PARD3: variants seen among roughly 807,000 people sequenced by gnomAD.
PARD3 encodes the protein par-3 family cell polarity regulator.
Under a neutral mutation model 155.4 loss-of-function variants are expected in PARD3, and 75 were observed. That is an observed-to-expected ratio of 0.48 (90% confidence interval 0.40 to 0.58). PARD3 has a LOEUF of 0.58. Among genes scored for constraint, PARD3 ranks in the 20% least tolerant of loss-of-function variants. The pLI, the probability that PARD3 is intolerant of heterozygous loss-of-function variation, is 0.00. For missense variants in PARD3, 1,642 were observed against 1,721.7 expected (o/e 0.95, Z 0.82); for synonymous variants, 576 against 610.5 (o/e 0.94, Z 0.83).
chr10:34,373,627 A>T (rs1840923453), intron 11 of PARD3, among the ~76,000 whole-genome samples: 1 of 152,026 alleles, frequency 6.6e-6, no homozygotes, highest in African/African-American at 2.4e-5. Context: ...GTGGGGGGAA[A>T]ACGAAAAACT....
At chr10:34,538,121 G>T (rs564618246) in intron 2 of PARD3, among the ~76,000 whole-genome samples, 22 of 152,286 alleles carry the variant, frequency 1.4e-4, no homozygotes, top group African/African-American at 5.3e-4. Context: ...CTCCAGCCTG[G>T]GTGACAAGAG....
intron 5 of PARD3, among the ~76,000 whole-genome samples, chr10:34,446,421 G>A (rs936889775): frequency 6.6e-6 from 1 of 151,852 alleles, no homozygotes; most frequent in South Asian, 2.1e-4. Flanking sequence ...CACTTGACAC[G>A]GCAACCCCTG....
intron 3 of PARD3, among the ~76,000 whole-genome samples, chr10:34,498,306 T>C (rs1369549761): frequency 1.3e-5 from 2 of 152,208 alleles, no homozygotes; most frequent in Non-Finnish European, 2.9e-5. Flanking sequence ...TATGTAGGTA[T>C]TCATTTCAAA....
chr10:34,461,804 C>T (rs1000369848), intron 4 of PARD3, among the ~76,000 whole-genome samples: 8 of 152,126 alleles, frequency 5.3e-5, no homozygotes, highest in Non-Finnish European at 8.8e-5. Context: ...TAAGGGCACA[C>T]AAGAAGGCTT....
At chr10:34,370,807 G>GTGTGT (rs1840509427) in intron 12 of PARD3, among the ~76,000 whole-genome samples, 1 of 145,568 alleles carries the variant, frequency 6.9e-6, no homozygotes, top group African/African-American at 2.5e-5. Flanking sequence ...ATACAAATGG[G>GTGTGT]GTGTGTGTGT....
intron 22 of PARD3, among the ~76,000 whole-genome samples, chr10:34,230,400 T>C (rs1214070402): frequency 6.6e-6 from 1 of 152,084 alleles, no homozygotes; most frequent in Non-Finnish European, 1.5e-5. Flanking sequence ...AAACTCACAC[T>C]GGTAAAGTTA....
At chr10:34,663,464 A>C (rs2093376949) in intron 2 of PARD3, among the ~76,000 whole-genome samples, 1 of 152,082 alleles carries the variant, frequency 6.6e-6, no homozygotes, top group Admixed American at 6.6e-5. Flanking sequence ...TTGTAACACG[A>C]AGGATAAATG....
Position 34,666,814 on chromosome 10 carries a change from T to TACAC in PARD3, c.222+29503_222+29504insGTGT, listed in dbSNP as rs1200796084. Reference sequence around the variant, plus strand: ...AAAAAAAAATATATATATATATATATATACACACACACACACACACACAAA... The same window carrying TACAC: ...AAAAAAAAATATATATATATATATATACACATACACACACACACACACACACAAA... On this transcript the variant is annotated intron_variant, in intron 2 of 24. Transcript: ENST00000374788. Among the ~76,000 whole-genome samples the TACAC allele has an allele frequency of 2.7e-3, 250 of 92,100 alleles. 2 individuals are homozygous for TACAC. The highest frequency in any genetic ancestry group is 0.011 in the African/African-American group (217 of 20,592). 60.4% of individuals were successfully genotyped at this position (92,100 alleles called of 152,430 possible). A position where few individuals can be genotyped will look rare whatever the true frequency, so the allele number is the denominator to read the frequency against.
At chr10:34,807,617 C>G (rs1843568583) in intron 1 of PARD3, among the ~76,000 whole-genome samples, 1 of 152,094 alleles carries the variant, frequency 6.6e-6, no homozygotes, top group Non-Finnish European at 1.5e-5. Flanking sequence ...AATATGTGGG[C>G]TTGCTGCTAT....
intron 20 of PARD3, among the ~76,000 whole-genome samples, chr10:34,292,053 C>A (rs578234878): frequency 1.3e-5 from 2 of 152,286 alleles, no homozygotes; most frequent in African/African-American, 4.8e-5. Flanking sequence ...TTCACAGGAT[C>A]CTGCCAACCT....
chr10:34,791,105 G>A (rs1841563663), intron 1 of PARD3, among the ~76,000 whole-genome samples: 1 of 152,200 alleles, frequency 6.6e-6, no homozygotes, highest in African/African-American at 2.4e-5. Context: ...TAGATAATAG[G>A]AAATATGACT....
intron 22 of PARD3, among the ~76,000 whole-genome samples, chr10:34,193,529 C>T (rs1950805676): frequency 6.6e-6 from 1 of 152,148 alleles, no homozygotes. Flanking sequence ...ATGAAACATC[C>T]TCAAGCAGAT....
In PARD3 at chr10:34,517,085, C is replaced by G. The variant is rs1204680475; in HGVS notation, c.297G>C (p.Gln99His). 9 of 1,614,196 alleles carry G rather than the reference C, an allele frequency of 5.6e-6. No homozygotes were observed. The highest frequency in any genetic ancestry group is 7.6e-6 in the Non-Finnish European group (9 of 1,180,028). Residue 99 changes from glutamine to histidine, a missense_variant, in exon 3 of 25, where the codon CAG becomes CAC. Gln to His is a conservative substitution (Grantham distance 24). Transcript: ENST00000374788. The stretch of plus-strand genomic sequence containing the variant: ...GCTCACTACCAAATATCTCTGGGCT[C>G]TGGGTACCCGTGGAACTGGCACTGG... The part of the protein sequence containing the change: ...DGTSASSTGT[Q>H]SPEIFGSELG...
chr10:34,556,794 A>G (rs1457214664), intron 2 of PARD3, among the ~76,000 whole-genome samples: 1 of 152,076 alleles, frequency 6.6e-6, no homozygotes, highest in African/African-American at 2.4e-5. Flanking sequence ...ATAAAACCAC[A>G]CAAACCGTTT....
chr10:34,457,725 C>G (rs1201749199), intron 4 of PARD3, among the ~76,000 whole-genome samples: 1 of 152,086 alleles, frequency 6.6e-6, no homozygotes, highest in African/African-American at 2.4e-5. Flanking sequence ...CTCAGACTCC[C>G]AAGTACCTAA....
rs771607063 is a variant in PARD3 at position 34,348,048 on chromosome 10, C to T, written c.2135G>A (p.Arg712Gln). The T allele has an allele frequency of 4.3e-6, 7 of 1,613,390 alleles. No homozygotes were observed. Among genetic ancestry groups the T allele is most frequent in the Middle Eastern group, 1.7e-4 (1 of 6,052 alleles). ...ACTGTAGAGGGAATGGGAAATTCTT[C>T]GTTCTCTATCATCCAACGCTGTTTC... ...PIETALDDRE[R>Q]RISHSLYSGI... is the part of the protein sequence containing the mutation. The change falls in exon 15 of 25, where the codon CGA becomes CAA. Residue 712 changes from arginine to glutamine, a missense_variant. This residue lies in a region of PARD3 where 1,529 missense variants were observed against 1,587.3 expected (regional missense o/e 0.96). Transcript: ENST00000374788.
At chr10:34,126,929 G>A (rs1391658187) in intron 23 of PARD3, among the ~76,000 whole-genome samples, 2 of 151,954 alleles carry the variant, frequency 1.3e-5, no homozygotes, top group Non-Finnish European at 2.9e-5. Flanking sequence ...ACTCATTACC[G>A]GAAATGCTAA....
intron 7 of PARD3, among the ~76,000 whole-genome samples, chr10:34,385,538 G>C (rs1842268473): frequency 6.6e-6 from 1 of 151,998 alleles, no homozygotes; most frequent in East Asian, 1.9e-4. Context: ...CTAATAAAGA[G>C]ACAAAAATGC....
At chr10:34,350,633 C>CGGGGGG (rs113142401) in intron 14 of PARD3, among the ~76,000 whole-genome samples, 9 of 40,712 alleles carry the variant, frequency 2.2e-4, no homozygotes, top group African/African-American at 3.7e-4. Context: ...TCCATCTTGG[C>CGGGGGG]GGGGGGGGAG....
Sources: gnomAD v4.1 joint callset for allele counts (sites outside exome capture counted in the v4.1 genomes callset) on GRCh38, gnomAD v4.1.1 for gene constraint, gnomAD v4.1.1 regional missense constraint, MANE v1.5 for transcripts, NCBI Gene and HGNC (gene_info 2026-07-23, HGNC 2026-07-21) for gene names.